The following GPC6 variants were observed in gnomAD, a reference collection of about 807,000 sequenced individuals.
GPC6 encodes the protein glypican 6, also known as glypican-6.
A neutral mutation model predicts 55.2 loss-of-function variants in GPC6; 14 were observed. That is an observed-to-expected ratio of 0.25 (90% confidence interval 0.17 to 0.40). The LOEUF (loss-of-function observed/expected upper bound fraction) is 0.40, where lower values mean the gene tolerates loss of function less well. Among genes scored for constraint, GPC6 ranks in the 10% least tolerant of loss-of-function variants. The pLI, the probability that GPC6 is intolerant of heterozygous loss-of-function variation, is 1.00. For synonymous variants in GPC6, 278 were observed against 259.6 expected, an observed-to-expected ratio of 1.07 and a Z score of -0.68; for missense variants, 641 against 708.5, an observed-to-expected ratio of 0.90 and a Z score of 1.08.
intron 1 of GPC6, among the ~76,000 whole-genome samples, chr13:93,501,921 G>T (rs1880534334): frequency 1.3e-5 from 2 of 152,186 alleles, no homozygotes; most frequent in South Asian, 4.1e-4. Context: ...TTATATCCAT[G>T]TTTAATAATT....
chr13:94,258,205 A>G (rs966964851), intron 4 of GPC6, among the ~76,000 whole-genome samples: 2 of 152,188 alleles, frequency 1.3e-5, no homozygotes, highest in Non-Finnish European at 2.9e-5. Flanking sequence ...ACACCCAGCA[A>G]GTAATAATTG....
At chr13:93,730,081 C>T (rs1005459415) in intron 2 of GPC6, among the ~76,000 whole-genome samples, 1 of 152,088 alleles carries the variant, frequency 6.6e-6, no homozygotes, top group African/African-American at 2.4e-5. Flanking sequence ...TGCTCATTTA[C>T]CCGTATACTG....
chr13:93,834,246 C>G (rs907694247), intron 3 of GPC6, among the ~76,000 whole-genome samples: 1 of 152,074 alleles, frequency 6.6e-6, no homozygotes, highest in African/African-American at 2.4e-5. Flanking sequence ...GGCCCATCTG[C>G]CTAAATGGTT....
chr13:93,347,896 C>A lies in GPC6; in HGVS notation c.160+120280C>A, dbSNP rs144595864. Among the ~76,000 whole-genome samples, 598 of 152,206 alleles carry A rather than the reference C, an allele frequency of 3.9e-3. 4 individuals carry two copies. Among genetic ancestry groups the A allele is most frequent in the African/African-American group, 0.013 (558 of 41,522 alleles). ...ATGAGTCATCCTGAGATGGACTATG[C>A]AAAAGCAAAGTCCCAGGAGTAAACC... On this transcript the variant is annotated intron_variant, in intron 1 of 8. Transcript: ENST00000377047.
chr13:93,955,393 T>TC (rs1485651318), intron 3 of GPC6, among the ~76,000 whole-genome samples: 1 of 151,714 alleles, frequency 6.6e-6, no homozygotes, highest in Non-Finnish European at 1.5e-5. Flanking sequence ...GAGCACCAGC[T>TC]TCAAAGAAAA....
At chr13:93,263,351 T>TTTTGTTTA (rs1303701602) in intron 1 of GPC6, among the ~76,000 whole-genome samples, 3 of 152,030 alleles carry the variant, frequency 2.0e-5, no homozygotes, top group Admixed American at 2.0e-4. Context: ...GTTGTTTGTT[T>TTTTGTTTA]TTTGTTTTTT....
intron 3 of GPC6, among the ~76,000 whole-genome samples, chr13:94,003,166 T>C (rs1357704538): frequency 6.6e-6 from 1 of 152,146 alleles, no homozygotes; most frequent in Non-Finnish European, 1.5e-5. Context: ...GCGTGTGCTT[T>C]CTCCAATGTT....
intron 1 of GPC6, among the ~76,000 whole-genome samples, chr13:93,412,138 TATAAATA>T (rs1303728442): frequency 6.6e-6 from 1 of 152,142 alleles, no homozygotes; most frequent in Admixed American, 6.6e-5. Flanking sequence ...AGAGTGAAGA[TATAAATA>T]ATAAGTGGAG....
chr13:93,881,676 A>G (rs894334035), intron 3 of GPC6, among the ~76,000 whole-genome samples: 22 of 152,042 alleles, frequency 1.4e-4, no homozygotes, highest in African/African-American at 4.6e-4. Flanking sequence ...AATACTTGCA[A>G]TTATCTCTGT....
chr13:94,382,992 A>G (rs895037154), intron 7 of GPC6, among the ~76,000 whole-genome samples: 3 of 152,188 alleles, frequency 2.0e-5, no homozygotes, highest in African/African-American at 7.2e-5. Context: ...TGAAGTGTTC[A>G]TTGGCAACGT....
intron 2 of GPC6, among the ~76,000 whole-genome samples, chr13:93,721,344 C>A (rs7985749): frequency 0.14 from 21,884 of 151,568 alleles, 2,754 homozygotes; most frequent in South Asian, 0.32. Flanking sequence ...GGTTTAAAGT[C>A]TGAAAACAAC....
At chr13:93,320,043 C>T (rs1195331584) in intron 1 of GPC6, among the ~76,000 whole-genome samples, 5 of 152,170 alleles carry the variant, frequency 3.3e-5, no homozygotes, top group African/African-American at 1.2e-4. Flanking sequence ...TATGAAAATC[C>T]ATACTGAAAG....
intron 3 of GPC6, among the ~76,000 whole-genome samples, chr13:93,836,754 G>T (rs1000676794): frequency 2.6e-5 from 4 of 152,038 alleles, no homozygotes; most frequent in African/African-American, 4.8e-5. Context: ...AAAATAGTAA[G>T]AAATTGATAT....
chr13:94,209,060 T>C (rs1889994074), intron 4 of GPC6, among the ~76,000 whole-genome samples: 1 of 152,218 alleles, frequency 6.6e-6, no homozygotes, highest in Admixed American at 6.5e-5. Context: ...ATGTTTAAAG[T>C]TGTAGAATAG....
intron 4 of GPC6, among the ~76,000 whole-genome samples, chr13:94,058,093 A>G (rs756578718): frequency 6.6e-6 from 1 of 152,206 alleles, no homozygotes; most frequent in Admixed American, 6.5e-5. Context: ...CTAGACTACT[A>G]TTACAGAAAA....
At chr13:94,086,983 T>C in intron 4 of GPC6, among the ~76,000 whole-genome samples, 1 of 152,174 alleles carries the variant, frequency 6.6e-6, no homozygotes, top group Non-Finnish European at 1.5e-5. Flanking sequence ...TTCAGGAAGC[T>C]TAACGTTATG....
intron 1 of GPC6, among the ~76,000 whole-genome samples, chr13:93,415,897 A>G (rs2139251430): frequency 6.6e-6 from 1 of 152,208 alleles, no homozygotes; most frequent in East Asian, 1.9e-4. Flanking sequence ...AGGGTGATGA[A>G]GTTCAAAGGA....
chr13:93,890,387 C>A (rs553867016), intron 3 of GPC6, among the ~76,000 whole-genome samples: 28 of 152,130 alleles, frequency 1.8e-4, no homozygotes, highest in Admixed American at 5.9e-4. Flanking sequence ...TTCTGCATGC[C>A]TTTATATACC....
intron 1 of GPC6, among the ~76,000 whole-genome samples, chr13:93,521,286 ATTTAT>A (rs1037847663): frequency 7.2e-5 from 11 of 151,818 alleles, no homozygotes; most frequent in South Asian, 4.2e-4. Flanking sequence ...CCAGGGGAAG[ATTTAT>A]TTTCTTTTCT....
Sources: gnomAD v4.1 joint callset for allele counts (sites outside exome capture counted in the v4.1 genomes callset) on GRCh38, gnomAD v4.1.1 for gene constraint, MANE v1.5 for transcripts, NCBI Gene and HGNC (gene_info 2026-07-23, HGNC 2026-07-21) for gene names.